UNC5B: variants seen among roughly 807,000 people sequenced by gnomAD.
UNC5B encodes the protein unc-5 netrin receptor B.
A neutral mutation model predicts 103.7 loss-of-function variants in UNC5B; 56 were observed. The observed-to-expected ratio is 0.54, with a 90% CI of 0.44 to 0.67. UNC5B has a LOEUF of 0.67. Among genes scored for constraint, UNC5B ranks in the 30% least tolerant of loss-of-function variants. UNC5B has a pLI of 0.00. For missense variants in UNC5B, 1,194 were observed against 1,284.5 expected, an observed-to-expected ratio of 0.93 and a Z score of 1.08; for synonymous variants, 577 against 542.0, an observed-to-expected ratio of 1.06 and a Z score of -0.90.
intron 1 of UNC5B, among the ~76,000 whole-genome samples, chr10:71,227,125 G>A (rs1411268378): frequency 1.3e-5 from 2 of 152,014 alleles, no homozygotes; most frequent in East Asian, 3.9e-4. Flanking sequence ...GCTGGAATTA[G>A]AGGTGTGTGC....
At chr10:71,268,449 C>T (rs1268202933) in intron 1 of UNC5B, among the ~76,000 whole-genome samples, 1 of 152,010 alleles carries the variant, frequency 6.6e-6, no homozygotes, top group Non-Finnish European at 1.5e-5. Context: ...CCTCAGGGTC[C>T]CCAGCTGGAG....
chr10:71,276,144 T>A (rs1344666892), intron 1 of UNC5B, among the ~76,000 whole-genome samples: 1 of 150,834 alleles, frequency 6.6e-6, no homozygotes, highest in East Asian at 2.0e-4. Context: ...CCTAATACAT[T>A]CCTGTTAGGG....
chr10:71,298,491 G>T (rs1210593055), intron 16 of UNC5B, among the ~76,000 whole-genome samples: 2 of 152,024 alleles, frequency 1.3e-5, no homozygotes, highest in African/African-American at 4.8e-5. Context: ...GATACACTTT[G>T]GTGTCAAAAC....
chr10:71,286,834 A>G lies in UNC5B; in HGVS notation c.698A>G (p.Lys233Arg), dbSNP rs1845099317. Residue 233 changes from lysine to arginine, a missense_variant, in exon 5 of 17, where the codon AAA becomes AGA. Transcript: ENST00000335350. Reference protein sequence around the residue: ...YTCVAKNIVAKRRSTTATVIV... With the variant: ...YTCVAKNIVARRRSTTATVIV... The stretch of plus-strand genomic sequence containing the variant: ...TGCGTGGCCAAGAACATCGTGGCCA[A>G]ACGCCGGAGCACCACTGCCACCGTC... 6.2e-7 allele frequency: 1 copy of G among 1,614,152 alleles called. No individual in the cohort carries two copies. Among genetic ancestry groups the G allele is most frequent in the Non-Finnish European group, 8.5e-7 (1 of 1,180,016 alleles).
intron 1 of UNC5B, among the ~76,000 whole-genome samples, chr10:71,222,660 G>A (rs1843475532): frequency 6.6e-6 from 1 of 152,232 alleles, no homozygotes; most frequent in South Asian, 2.1e-4. Flanking sequence ...GAGAGCCAAG[G>A]AGAGGGGCAG....
At chr10:71,279,581 A>G (rs1396075938) in intron 1 of UNC5B, among the ~76,000 whole-genome samples, 1 of 152,210 alleles carries the variant, frequency 6.6e-6, no homozygotes, top group Non-Finnish European at 1.5e-5. Flanking sequence ...ACAGCATTGC[A>G]GAGTGGGAAC....
In UNC5B at chr10:71,291,544, C is replaced by A. The variant is rs202096469; in HGVS notation, c.1407C>A (p.Thr469=). The A allele has an allele frequency of 2.5e-6, 4 of 1,614,206 alleles. No homozygotes were observed. The South Asian group carries it at 4.4e-5, about 18-fold the overall frequency. The change falls in exon 10 of 17, where the codon ACC becomes ACA. Residue 469 remains threonine (T), a synonymous_variant. Transcript: ENST00000335350. ...LQDSTDKIPM[T]NSPLLDPLPS... ...ACTCCACCGACAAAATCCCCATGAC[C>A]AACTCTCCTCTGCTGGACCCCTTAC...
intron 1 of UNC5B, among the ~76,000 whole-genome samples, chr10:71,247,138 A>G (rs563363927): frequency 6.6e-6 from 1 of 152,354 alleles, no homozygotes; most frequent in African/African-American, 2.4e-5. Context: ...AGCATTGTCC[A>G]GGAAGCTCAC....
rs558984151 is a variant in UNC5B, at chr10:71,299,652, C to T, written c.*375C>T. On this transcript the variant is annotated 3_prime_UTR_variant, in exon 17 of 17. Transcript: ENST00000335350. ...GTTCCATGGGTTTTAGTTCCGTTCT[C>T]GTTTTCTTCCTCCGTTATTGATTTC... 13 of 173,740 alleles carry T rather than the reference C, an allele frequency of 7.5e-5. No individual in the cohort carries two copies. Among genetic ancestry groups the T allele is most frequent in the East Asian group, 4.5e-4 (3 of 6,728 alleles). 10.8% of individuals were successfully genotyped at this position (173,740 alleles called of 1,614,324 possible). A position where few individuals can be genotyped will look rare whatever the true frequency, so the allele number is the denominator to read the frequency against.
chr10:71,286,612 A>G, intron 4 of UNC5B, 77 bp from the exon 5 acceptor site: 1 of 1,565,930 alleles, frequency 6.4e-7, no homozygotes, highest in Non-Finnish European at 8.7e-7. Flanking sequence ...GCGTGGACCC[A>G]GGTAGAACTG....
chr10:71,227,016 G>A (rs568401968), intron 1 of UNC5B, among the ~76,000 whole-genome samples: 63 of 141,806 alleles, frequency 4.4e-4, no homozygotes, highest in African/African-American at 1.5e-3. Context: ...ACGGAGTCTT[G>A]CTCTGTTGCC....
intron 1 of UNC5B, among the ~76,000 whole-genome samples, chr10:71,264,820 C>T (rs1256761506): frequency 2.0e-5 from 3 of 152,118 alleles, no homozygotes; most frequent in East Asian, 3.9e-4. Context: ...GGTTTGAGTA[C>T]CACTGGCACC....
At chr10:71,279,090 A>T (rs1449981217) in intron 1 of UNC5B, among the ~76,000 whole-genome samples, 1 of 152,124 alleles carries the variant, frequency 6.6e-6, no homozygotes, top group Non-Finnish European at 1.5e-5. Flanking sequence ...TCTGCTCTGA[A>T]GTCTCCTCAT....
chr10:71,278,633 G>A (rs180689055), intron 1 of UNC5B, among the ~76,000 whole-genome samples: 1 of 152,214 alleles, frequency 6.6e-6, no homozygotes, highest in South Asian at 2.1e-4. Flanking sequence ...CTGTAGGGGG[G>A]ACTCCCTAGA....
chr10:71,223,533 G>T (rs1843491904), intron 1 of UNC5B, among the ~76,000 whole-genome samples: 1 of 152,098 alleles, frequency 6.6e-6, no homozygotes, highest in Admixed American at 6.6e-5. Flanking sequence ...GAGCCCCTAG[G>T]TAGGAAGGAA....
At chr10:71,247,414 C>A (rs1360652076) in intron 1 of UNC5B, among the ~76,000 whole-genome samples, 3 of 152,226 alleles carry the variant, frequency 2.0e-5, no homozygotes, top group Non-Finnish European at 2.9e-5. Flanking sequence ...GCAGTCCCCT[C>A]CACCCCTGCC....
intron 1 of UNC5B, among the ~76,000 whole-genome samples, chr10:71,224,364 GACACACACACACACAC>G (rs58378731): frequency 9.0e-4 from 88 of 97,350 alleles, no homozygotes; most frequent in African/African-American, 2.5e-3. Context: ...TCTGTATGTA[GACACACACACACACAC>G]ACACACACAC....
At position 71,299,228 on chromosome 10, in the gene UNC5B, T is replaced by C; in HGVS notation, c.2789T>C (p.Met930Thr). 6.2e-7 allele frequency: 1 copy of C among 1,614,122 alleles called. No individual in the cohort carries two copies. Among genetic ancestry groups the C allele is most frequent in the Non-Finnish European group, 8.5e-7 (1 of 1,179,964 alleles). ...LNSLASALEE[M>T]GKSEMLVAVA... ...AGCCTGGCGAGTGCCTTGGAGGAGA[T>C]GGGCAAGAGTGAGATGCTGGTGGCT... Residue 930 changes from methionine (M) to threonine (T), a missense_variant, in exon 17 of 17, where the codon ATG (methionine) becomes ACG (threonine). Coordinates refer to ENST00000335350, the MANE Select transcript of UNC5B (RefSeq NM_170744.5).
At position 71,292,448 on chromosome 10, in the gene UNC5B, G is replaced by T; in HGVS notation, c.1685-19G>T. 1 of 1,576,378 alleles carries T rather than the reference G, an allele frequency of 6.3e-7. No homozygotes were observed. Among genetic ancestry groups the T allele is most frequent in the East Asian group, 2.3e-5 (1 of 43,826 alleles). ...CTCCTAAGCTCCTGGACTCCCTGCT[G>T]ACTTCCCTCTCCCCCTAGGGGTCAG... On this transcript the variant is annotated intron_variant, in intron 10 of 16. Coordinates refer to ENST00000335350, the MANE Select transcript of UNC5B (RefSeq NM_170744.5).
Sources: allele counts gnomAD v4.1 joint callset (sites outside exome capture counted in the v4.1 genomes callset), GRCh38; gene constraint gnomAD v4.1.1; transcripts MANE v1.5; gene names NCBI Gene and HGNC (gene_info 2026-07-23, HGNC 2026-07-21).